Variants in FSTL4 observed in about 807,000 individuals in gnomAD.
The protein encoded by FSTL4 is follistatin like 4, also known as follistatin-related protein 4.
FSTL4 carries 28 observed loss-of-function variants against 78.2 expected under a neutral mutation model. The observed-to-expected ratio is 0.36, with a 90% CI of 0.27 to 0.49. The LOEUF is 0.49. FSTL4 is among the 20% of genes least tolerant of loss of function. FSTL4 has a pLI of 0.98. For missense variants in FSTL4, 922 were observed against 1,084.9 expected (o/e 0.85, Z 2.11); for synonymous variants, 422 against 440.5 (o/e 0.96, Z 0.53).
At position 133,316,650 on chromosome 5, in the gene FSTL4, C is replaced by T. The variant is rs746146996; in HGVS notation, c.412G>A (p.Asp138Asn). The change falls in exon 5 of 16, where the codon GAC becomes AAC. Residue 138 changes from aspartate to asparagine, a missense_variant and splice_region_variant. Transcript: ENST00000265342. Reference sequence around the variant, plus strand: ...GCGTAGCCGGCCATGGTGCACGTGTCACCTGAAAGAGAAGGTGAGGTTATT... The same window carrying T: ...GCGTAGCCGGCCATGGTGCACGTGTTACCTGAAAGAGAAGGTGAGGTTATT... ...IHSKDCFLKG[D>N]TCTMAGYARL... 1.0e-5 allele frequency: 16 copies of T among 1,604,544 alleles called. No homozygotes were observed. The Middle Eastern group carries it at 9.9e-4, about 99-fold the overall frequency.
At chr5:133,599,785 C>T (rs1760817659) in intron 2 of FSTL4, among the ~76,000 whole-genome samples, 1 of 151,814 alleles carries the variant, frequency 6.6e-6, no homozygotes, top group Admixed American at 6.6e-5. Flanking sequence ...TGGGGTGGCT[C>T]CAATGGCAGC....
chr5:133,677,407 C>A, the FSTL4 span, among the ~76,000 whole-genome samples: 1 of 152,290 alleles, frequency 6.6e-6, no homozygotes. Flanking sequence ...ATTGTCCATG[C>A]AACAGCACAT....
rs1760800160 is a variant in FSTL4 at position 133,599,050 on chromosome 5, T to C, written c.126+4808A>G. 3.3e-5 allele frequency among the ~76,000 whole-genome samples: 5 copies of C among 152,032 alleles called. No individual in the cohort carries two copies. In the South Asian group the frequency reaches 1.0e-3, roughly 32 times the overall value. On this transcript the variant is annotated intron_variant, in intron 2 of 15. Coordinates refer to ENST00000265342, the MANE Select transcript of FSTL4 (RefSeq NM_015082.2). ...CCAGCTGTTCTTCCCCAGTAATCAG[T>C]CAAAGAGCACAGTCAGGGTTATGGG...
chr5:133,264,679 G>T (rs1429089286), intron 6 of FSTL4, among the ~76,000 whole-genome samples: 3 of 152,182 alleles, frequency 2.0e-5, no homozygotes, highest in South Asian at 2.1e-4. Flanking sequence ...CCCTTATATG[G>T]GACATTTCTC....
At chr5:133,534,144 A>T (rs1456767796) in intron 3 of FSTL4, among the ~76,000 whole-genome samples, 1 of 151,758 alleles carries the variant, frequency 6.6e-6, no homozygotes, top group East Asian at 1.9e-4. Context: ...TGGTTGTATT[A>T]AAAAAAACCT....
the FSTL4 span, among the ~76,000 whole-genome samples, chr5:133,732,560 A>G: frequency 1.3e-5 from 2 of 152,068 alleles, no homozygotes; most frequent in Non-Finnish European, 2.9e-5. Flanking sequence ...ACCCACACCC[A>G]GCGAAAACTA....
At chr5:133,650,251 A>G in the FSTL4 span, among the ~76,000 whole-genome samples, 44 of 152,274 alleles carry the variant, frequency 2.9e-4, 2 homozygotes, top group Admixed American at 2.3e-3. Context: ...CAACATCAGG[A>G]ACCAAACTTC....
intron 7 of FSTL4, chr5:133,247,894 A>G (rs1312031675): frequency 1.3e-5 from 2 of 152,300 alleles, no homozygotes; most frequent in Admixed American, 6.6e-5. Flanking sequence ...TGCTTCCCCC[A>G]TGACCCCCAG....
At position 133,210,227 on chromosome 5, in the gene FSTL4, G is replaced by C; in HGVS notation, c.1680C>G (p.Ser560Arg). 1 of 1,612,228 alleles carries C rather than the reference G, an allele frequency of 6.2e-7. No individual in the cohort carries two copies. The highest frequency in any genetic ancestry group is 8.5e-7 in the Non-Finnish European group (1 of 1,178,406). Residue 560 changes from serine (S) to arginine (R), a missense_variant, in exon 14 of 16, where the codon AGC becomes AGG. Transcript: ENST00000265342. ...GTCGGGACTTGTGCACGTCCCCCCAGCTCAGGACCCACACTTGGTCATGTG... is the reference window on the plus strand; with the variant it reads ...GTCGGGACTTGTGCACGTCCCCCCACCTCAGGACCCACACTTGGTCATGTG... ...DKSHDQVWVL[S>R]WGDVHKSRPS... is the part of the protein sequence containing the mutation.
intron 2 of FSTL4, among the ~76,000 whole-genome samples, chr5:133,602,184 C>T (rs1280429739): frequency 6.6e-6 from 1 of 152,156 alleles, no homozygotes; most frequent in Admixed American, 6.5e-5. Context: ...AGAATCTACA[C>T]AGTCATCACC....
chr5:133,823,668 G>A, the FSTL4 span, among the ~76,000 whole-genome samples: 1 of 152,200 alleles, frequency 6.6e-6, no homozygotes, highest in South Asian at 2.1e-4. Flanking sequence ...TTGGCCAGGA[G>A]CCTGCTGGGA....
intron 4 of FSTL4, among the ~76,000 whole-genome samples, chr5:133,330,331 A>G (rs1754314378): frequency 6.6e-6 from 1 of 152,254 alleles, no homozygotes; most frequent in South Asian, 2.1e-4. Flanking sequence ...TACAGGATGT[A>G]TAGCGCTGGC....
chr5:133,594,745 C>T (rs1023055037), intron 2 of FSTL4, among the ~76,000 whole-genome samples: 3 of 152,104 alleles, frequency 2.0e-5, no homozygotes, highest in African/African-American at 7.2e-5. Context: ...TCTATAGAGA[C>T]CAAAGTTTTC....
chr5:133,253,373 T>C (rs1446046923), intron 6 of FSTL4, among the ~76,000 whole-genome samples: 1 of 152,188 alleles, frequency 6.6e-6, no homozygotes, highest in East Asian at 1.9e-4. Flanking sequence ...CCTTGGCAGC[T>C]CCCTTCCTGT....
the FSTL4 span, among the ~76,000 whole-genome samples, chr5:133,760,123 G>A: frequency 1.3e-5 from 2 of 152,182 alleles, no homozygotes; most frequent in Non-Finnish European, 2.9e-5. Flanking sequence ...CTGGTCCTGA[G>A]AGCATCAGCC....
At chr5:133,219,640 C>T (rs140879567) in intron 12 of FSTL4, among the ~76,000 whole-genome samples, 1 of 152,298 alleles carries the variant, frequency 6.6e-6, no homozygotes, top group East Asian at 1.9e-4. Context: ...GATGGAAAAT[C>T]GTTCTTTGGG....
the FSTL4 span, among the ~76,000 whole-genome samples, chr5:133,684,519 C>A: frequency 6.6e-6 from 1 of 152,346 alleles, no homozygotes; most frequent in East Asian, 1.9e-4. Context: ...GCAACCAAGA[C>A]TTCACAGTTT....
At chr5:133,229,695 G>C (rs1406894269) in intron 8 of FSTL4, among the ~76,000 whole-genome samples, 1 of 152,218 alleles carries the variant, frequency 6.6e-6, no homozygotes, top group African/African-American at 2.4e-5. Flanking sequence ...TGCAGGGAGA[G>C]AGGACTGAGG....
intron 4 of FSTL4, among the ~76,000 whole-genome samples, chr5:133,389,795 G>T (rs1447346087): frequency 2.0e-5 from 3 of 152,142 alleles, no homozygotes; most frequent in Non-Finnish European, 4.4e-5. Context: ...TATAAGTAAA[G>T]ATCTCTGAAA....
Sources: gnomAD v4.1 joint callset for allele counts (sites outside exome capture counted in the v4.1 genomes callset) on GRCh38, gnomAD v4.1.1 for gene constraint, MANE v1.5 for transcripts, NCBI Gene and HGNC (gene_info 2026-07-23, HGNC 2026-07-21) for gene names.